Variants in BAIAP3 observed in about 807,000 individuals in gnomAD.
The protein encoded by BAIAP3 is BAI1 associated protein 3.
Under a neutral mutation model 149.7 loss-of-function variants are expected in BAIAP3, and 180 were observed. The observed-to-expected ratio is 1.20, with a 90% CI of 1.07 to 1.36. BAIAP3 has a LOEUF of 1.36. Among genes scored for constraint, BAIAP3 ranks in the 40% most tolerant of loss-of-function variants. The probability of loss-of-function intolerance (pLI) is 0.00; values close to 1 mark genes in which losing one functional copy is unlikely to be tolerated. For missense variants in BAIAP3, 1,767 were observed against 1,563.4 expected, an observed-to-expected ratio of 1.13 and a Z score of -2.20; for synonymous variants, 845 against 670.7, an observed-to-expected ratio of 1.26 and a Z score of -4.02.
Position 1,348,430 on chromosome 16 carries a change from A to AGTT in BAIAP3, c.3408_3410dup (p.Glu1136_Phe1137insLeu). ...GGCCGCACCAGCAAGGAGGCGCAGG[A>AGTT]GTTCGTGAAGAAACTCAAGGAGCTG... On this transcript the variant is annotated inframe_insertion, in exon 34 of 34. Coordinates refer to ENST00000426824, the MANE Select transcript of BAIAP3 (RefSeq NM_001199097.2). The AGTT allele has an allele frequency of 6.2e-7, 1 of 1,612,754 alleles. No individual in the cohort carries two copies. Among genetic ancestry groups the AGTT allele is most frequent in the Non-Finnish European group, 8.5e-7 (1 of 1,179,842 alleles).
chr16:1,343,345 T>A (rs1028042946), intron 14 of BAIAP3, 48 bp from the exon 15 acceptor site: 7 of 1,562,302 alleles, frequency 4.5e-6, no homozygotes, highest in Admixed American at 1.9e-5. Flanking sequence ...TGAGTGGGCA[T>A]GGCAGGGGCG....
At chr16:1,347,069 C>T (rs2034426988) in intron 28 of BAIAP3, 114 bp downstream of exon 28, 2 of 1,036,924 alleles carry the variant, frequency 1.9e-6, no homozygotes, top group Admixed American at 2.1e-5. Context: ...GCAGCCACTC[C>T]AGGGCTGTCC....
chr16:1,338,322 C>T (rs886811445), intron 1 of BAIAP3, among the ~76,000 whole-genome samples: 2 of 152,136 alleles, frequency 1.3e-5, no homozygotes, highest in African/African-American at 4.8e-5. Flanking sequence ...CCTGAAGCCG[C>T]CCTGCAGGGG....
Position 1,334,286 on chromosome 16 carries a change from G to A in BAIAP3, c.-11+537G>A, listed in dbSNP as rs1013812762. Among the ~76,000 whole-genome samples, 5 of 152,266 alleles carry A rather than the reference G, an allele frequency of 3.3e-5. No individual in the cohort carries two copies. The East Asian group carries it at 9.7e-4, about 30-fold the overall frequency. On this transcript the variant is annotated intron_variant, in intron 1 of 33. Coordinates refer to ENST00000426824, the MANE Select transcript of BAIAP3 (RefSeq NM_001199097.2). The stretch of plus-strand genomic sequence containing the variant: ...CAGCCCCACTCGGCAAAGGGCTGTG[G>A]GCTCTTGCCTGGGCCGGGGTCTCCG...
rs1359348990 is a variant in BAIAP3, at chr16:1,347,976, G to A, written c.3108G>A (p.Lys1036=). The change falls in exon 32 of 34, where the codon AAG becomes AAA. Residue 1036 remains lysine, a synonymous_variant. Transcript: ENST00000426824. ...PLVRSQRTQV[K]TRTLHPVYDE... Reference sequence around the variant, plus strand: ...TCCGCAGCCAGAGGACCCAGGTGAAGACCCGGACGCTGCACCCTGTATACG... The same window carrying A: ...TCCGCAGCCAGAGGACCCAGGTGAAAACCCGGACGCTGCACCCTGTATACG... The A allele has an allele frequency of 6.2e-7, 1 of 1,611,468 alleles. No homozygotes were observed. Among genetic ancestry groups the A allele is most frequent in the African/African-American group, 1.3e-5 (1 of 74,920 alleles).
In BAIAP3 at chr16:1,341,370, G is replaced by C. The variant is rs1567162691; in HGVS notation, c.612G>C (p.Glu204Asp). 1.2e-6 allele frequency: 2 copies of C among 1,612,394 alleles called. No individual in the cohort carries two copies. The highest frequency in any genetic ancestry group is 1.7e-6 in the Non-Finnish European group (2 of 1,179,904). The change falls in exon 8 of 34, where the codon GAG becomes GAC. Residue 204 changes from glutamate (E) to aspartate (D), a missense_variant. Glu to Asp is a conservative substitution (Grantham distance 45). Coordinates refer to ENST00000426824, the MANE Select transcript of BAIAP3 (RefSeq NM_001199097.2). The part of the protein sequence containing the change: ...DATREPRAQK[E>D]QRFGFRKGSK... Reference sequence around the variant, plus strand: ...CGCGGGAGCCCCGTGCACAGAAGGAGCAGCGCTTCGGCTTCCGCAAGGGCA... The same window carrying C: ...CGCGGGAGCCCCGTGCACAGAAGGACCAGCGCTTCGGCTTCCGCAAGGGCA...
chr16:1,343,633 A>G (rs2034091220), intron 15 of BAIAP3, 120 bp downstream of exon 15: 4 of 1,431,438 alleles, frequency 2.8e-6, no homozygotes, highest in Admixed American at 4.4e-5. Context: ...AGACAAATGG[A>G]CAAACTGTAT....
intron 1 of BAIAP3, chr16:1,334,690 C>T (rs774776043): frequency 6.4e-7 from 1 of 1,554,604 alleles, no homozygotes; most frequent in South Asian, 1.2e-5. Context: ...GCGTTTGCAG[C>T]GGGCCCGCCA....
rs547140090 is a variant in BAIAP3 at position 1,349,393 on chromosome 16, A to AT, written c.*915dup. 4.1e-3 allele frequency: 6,597 copies of AT among 1,611,562 alleles called. 22 individuals carry two copies. The highest frequency in any genetic ancestry group is 5.1e-3 in the Non-Finnish European group (5,995 of 1,178,392). On this transcript the variant is annotated 3_prime_UTR_variant, in exon 34 of 34. Transcript: ENST00000426824. ...CCATTTATGTCCCTCATGTCTCTAG[A>AT]TTTTCTCGTCACCCAGCCTCAAAAA...
chr16:1,346,575 T>C, intron 26 of BAIAP3, 30 bp from the exon 27 acceptor site: 1 of 1,566,928 alleles, frequency 6.4e-7, no homozygotes, highest in Non-Finnish European at 8.6e-7. Context: ...AGGTGCGGGG[T>C]AAGCCTGGCC....
chr16:1,338,194 G>T (rs1381018675), intron 1 of BAIAP3, among the ~76,000 whole-genome samples: 1 of 152,132 alleles, frequency 6.6e-6, no homozygotes, highest in African/African-American at 2.4e-5. Flanking sequence ...GCGGGGAGGG[G>T]TGTGGGGGGC....
In BAIAP3 at chr16:1,347,311, T is replaced by C; in HGVS notation, c.2765T>C (p.Phe922Ser). 1 of 1,613,256 alleles carries C rather than the reference T, an allele frequency of 6.2e-7. No individual in the cohort carries two copies. The highest frequency in any genetic ancestry group is 8.5e-7 in the Non-Finnish European group (1 of 1,179,914). ...FHFTLEALVSFFHAEGQGLPL... is the reference protein window; with the variant it reads ...FHFTLEALVSSFHAEGQGLPL... ...TCCCTGCCCCAGGCCCTGGTCAGTTTTTTCCACGCAGAGGGTCAGGGTTTG... is the reference window on the plus strand; with the variant it reads ...TCCCTGCCCCAGGCCCTGGTCAGTTCTTTCCACGCAGAGGGTCAGGGTTTG... Residue 922 changes from phenylalanine (F) to serine (S), a missense_variant, in exon 29 of 34, where the codon TTT (phenylalanine) becomes TCT (serine). Transcript: ENST00000426824.
In BAIAP3 at chr16:1,345,966, C is replaced by T; in HGVS notation, c.2209-20C>T. 3.8e-6 allele frequency: 6 copies of T among 1,593,630 alleles called. No individual in the cohort carries two copies. Among genetic ancestry groups the T allele is most frequent in the East Asian group, 2.3e-5 (1 of 44,282 alleles). ...GGCAGGGGAGGGCTCCATGGCTCCC[C>T]ACCGCCATCCCCTCCTCAGGACGTG... On this transcript the variant is annotated intron_variant, in intron 23 of 33. Coordinates refer to ENST00000426824, the MANE Select transcript of BAIAP3 (RefSeq NM_001199097.2).
In BAIAP3 at chr16:1,346,483, C is replaced by T; in HGVS notation, c.2535C>T (p.Leu845=). 2 of 1,611,996 alleles carry T rather than the reference C, an allele frequency of 1.2e-6. No homozygotes were observed. Among genetic ancestry groups the T allele is most frequent in the Non-Finnish European group, 8.5e-7 (1 of 1,179,542 alleles). ...DIRKYVQHIS[L]SPDSIQNDEA... is the part of the protein sequence containing the mutation. ...GCAAGTATGTACAGCACATCAGTCT[C>T]TCGCCTGACTCCATCCAGAACGATG... The change falls in exon 26 of 34, where the codon CTC becomes CTT. Residue 845 remains leucine (L), a synonymous_variant. Coordinates refer to ENST00000426824, the MANE Select transcript of BAIAP3 (RefSeq NM_001199097.2).
In BAIAP3 at chr16:1,342,582, C is replaced by T. The variant is rs1473216613; in HGVS notation, c.1013C>T (p.Ala338Val). Reference protein sequence around the residue: ...RWFKLEPRSSASRVQGHCHLV... With the variant: ...RWFKLEPRSSVSRVQGHCHLV... The stretch of plus-strand genomic sequence containing the variant: ...TTCAAGCTGGAGCCACGCTCCAGTG[C>T]CTCGCGTGTGCAGGGACACTGCCAC... Residue 338 changes from alanine (A) to valine (V), a missense_variant, in exon 12 of 34, where the codon GCC becomes GTC. Coordinates refer to ENST00000426824, the MANE Select transcript of BAIAP3 (RefSeq NM_001199097.2). 6.4e-6 allele frequency: 10 copies of T among 1,563,506 alleles called. No individual in the cohort carries two copies. The highest frequency in any genetic ancestry group is 2.4e-5 in the East Asian group (1 of 41,690).
rs1017288332 is a variant in BAIAP3 at position 1,336,099 on chromosome 16, C to T, written c.-11+2350C>T. On this transcript the variant is annotated intron_variant, in intron 1 of 33. Transcript: ENST00000426824. ...CGCAGTTCAGGCCACTTGGCTCCTGCGTCACATTTGTCTCCAGGACTGCGA... is the reference window on the plus strand; with the variant it reads ...CGCAGTTCAGGCCACTTGGCTCCTGTGTCACATTTGTCTCCAGGACTGCGA... The T allele has an allele frequency of 1.9e-5, 10 of 527,752 alleles. No homozygotes were observed. In the South Asian group the frequency reaches 4.0e-4, roughly 21 times the overall value. 32.7% of individuals were successfully genotyped at this position (527,752 alleles called of 1,614,324 possible).
chr16:1,346,057 C>T lies in BAIAP3; in HGVS notation c.2280C>T (p.Ala760=), dbSNP rs541680695. 32 of 1,611,334 alleles carry T rather than the reference C, an allele frequency of 2.0e-5. No individual in the cohort carries two copies. Among genetic ancestry groups the T allele is most frequent in the East Asian group, 4.5e-5 (2 of 44,842 alleles). Residue 760 remains alanine, a synonymous_variant, in exon 24 of 34, where the codon GCC becomes GCT. Transcript: ENST00000426824. Reference sequence around the variant, plus strand: ...AGGTGGACACTCAGCCAGGGGCGGCCGGTGAAGCAGTGAGCGAGGCGGTGA... The same window carrying T: ...AGGTGGACACTCAGCCAGGGGCGGCTGGTGAAGCAGTGAGCGAGGCGGTGA... The part of the protein sequence containing the change: ...RKKVDTQPGA[A]GEAVSEALCV...
At position 1,348,675 on chromosome 16, in the gene BAIAP3, A is replaced by C; in HGVS notation, c.*193A>C. 1 of 623,316 alleles carries C rather than the reference A, an allele frequency of 1.6e-6. No homozygotes were observed. Among genetic ancestry groups the C allele is most frequent in the Admixed American group, 2.8e-5 (1 of 35,192 alleles). The allele number at this position is 623,316 out of a possible 1,614,324, so 38.6% of individuals were successfully genotyped here. ...TCTGGTGTGTGCTGTGAACCCCTGC[A>C]CCCAACCCCACATCTGGGTGGCCAA... On this transcript the variant is annotated 3_prime_UTR_variant, in exon 34 of 34. Coordinates refer to ENST00000426824, the MANE Select transcript of BAIAP3 (RefSeq NM_001199097.2).
intron 1 of BAIAP3, chr16:1,334,407 T>G: frequency 3.8e-6 from 2 of 522,088 alleles, no homozygotes; most frequent in Non-Finnish European, 6.9e-6. Context: ...GAACTGGGGG[T>G]GTGGCTCCTG....
Sources: allele counts gnomAD v4.1 joint callset (sites outside exome capture counted in the v4.1 genomes callset), GRCh38; gene constraint gnomAD v4.1.1; transcripts MANE v1.5; gene names NCBI Gene and HGNC (gene_info 2026-07-23, HGNC 2026-07-21).